Variants in XPR1 observed in about 807,000 individuals in gnomAD.
The protein encoded by XPR1 is solute carrier family 53 member 1.
XPR1 carries 28 observed loss-of-function variants against 87.5 expected under a neutral mutation model. The observed-to-expected ratio is 0.32, with a 90% CI of 0.24 to 0.44. The LOEUF (loss-of-function observed/expected upper bound fraction) is 0.44, where lower values mean the gene tolerates loss of function less well. Ranked by LOEUF, XPR1 falls within the 20% of genes least tolerant of loss-of-function variation. The pLI, the probability that XPR1 is intolerant of heterozygous loss-of-function variation, is 1.00. For missense variants in XPR1, 559 were observed against 862.3 expected, an observed-to-expected ratio of 0.65 and a Z score of 4.41; for synonymous variants, 300 against 306.1, an observed-to-expected ratio of 0.98 and a Z score of 0.21.
At chr1:180,818,417 A>AG (rs1276498671) in intron 7 of XPR1, among the ~76,000 whole-genome samples, 1 of 151,708 alleles carries the variant, frequency 6.6e-6, no homozygotes, top group Non-Finnish European at 1.5e-5. Context: ...GCCAGATTGT[A>AG]GGGTTATTAC....
intron 2 of XPR1, among the ~76,000 whole-genome samples, chr1:180,710,883 C>T (rs1397563333): frequency 6.6e-6 from 1 of 152,004 alleles, no homozygotes; most frequent in African/African-American, 2.4e-5. Flanking sequence ...GGCTGCCCCC[C>T]ACCTCCCAGA....
At chr1:180,753,381 G>A (rs1277402720) in intron 2 of XPR1, among the ~76,000 whole-genome samples, 2 of 152,012 alleles carry the variant, frequency 1.3e-5, no homozygotes, top group Non-Finnish European at 2.9e-5. Context: ...CCTGCGCAAC[G>A]TGGTAAAACC....
chr1:180,798,168 ATATC>A (rs1558013084), intron 3 of XPR1, among the ~76,000 whole-genome samples: 1 of 152,098 alleles, frequency 6.6e-6, no homozygotes. Context: ...ATAAAAATAT[ATATC>A]TAATATGATT....
chr1:180,874,690 C>CA lies in XPR1; in HGVS notation c.1808+758dup, dbSNP rs1336021704. On this transcript the variant is annotated intron_variant, in intron 13 of 14. Coordinates refer to ENST00000367590, the MANE Select transcript of XPR1 (RefSeq NM_004736.4). ...GGGCAACAAGAGCAAAACTCCGTCT[C>CA]AAAAAAAAAAGTGTTTAAATATTCT... Among the ~76,000 whole-genome samples the CA allele has an allele frequency of 3.2e-3, 453 of 143,606 alleles. 3 individuals carry two copies. Among genetic ancestry groups the CA allele is most frequent in the African/African-American group, 0.01 (396 of 39,060 alleles). 94.2% of individuals were successfully genotyped at this position (143,606 alleles called of 152,430 possible). A position where few individuals can be genotyped will look rare whatever the true frequency, so the allele number is the denominator to read the frequency against.
chr1:180,714,954 C>T (rs1320843655), intron 2 of XPR1, among the ~76,000 whole-genome samples: 1 of 151,978 alleles, frequency 6.6e-6, no homozygotes, highest in Non-Finnish European at 1.5e-5. Context: ...TGTTAGAATC[C>T]AAGAAGCTAA....
chr1:180,822,765 C>T (rs1650684654), intron 7 of XPR1, among the ~76,000 whole-genome samples: 1 of 151,926 alleles, frequency 6.6e-6, no homozygotes, highest in Non-Finnish European at 1.5e-5. Flanking sequence ...CATTGATCAA[C>T]AAAGAAACAG....
chr1:180,752,145 C>T (rs1557989596), intron 2 of XPR1, among the ~76,000 whole-genome samples: 1 of 152,082 alleles, frequency 6.6e-6, no homozygotes, highest in East Asian at 1.9e-4. Flanking sequence ...CATGAATTGA[C>T]ACTCACTCAC....
chr1:180,726,560 C>G (rs921660904), intron 2 of XPR1, among the ~76,000 whole-genome samples: 1 of 152,218 alleles, frequency 6.6e-6, no homozygotes, highest in Non-Finnish European at 1.5e-5. Flanking sequence ...CCATTCACCC[C>G]TCTTGGGGTC....
intron 2 of XPR1, among the ~76,000 whole-genome samples, chr1:180,767,410 A>G (rs1049016463): frequency 6.6e-6 from 1 of 152,192 alleles, no homozygotes; most frequent in Non-Finnish European, 1.5e-5. Context: ...CTGTTGAAGG[A>G]TGGATCTGTT....
At position 180,656,355 on chromosome 1, in the gene XPR1, T is replaced by TTA. The variant is rs557305445; in HGVS notation, c.69+24094_69+24095dup. ...TATATAATATTTATATATTTAATAT[T>TTA]TATATATATAATATTTATATATAAT... On this transcript the variant is annotated intron_variant, in intron 1 of 14. Coordinates refer to ENST00000367590, the MANE Select transcript of XPR1 (RefSeq NM_004736.4). Among the ~76,000 whole-genome samples, 152 of 111,302 alleles carry TTA rather than the reference T, an allele frequency of 1.4e-3. 1 individual carries two copies. The highest frequency in any genetic ancestry group is 1.6e-3 in the Non-Finnish European group (95 of 58,222). The allele number at this position is 111,302 out of a possible 152,430, so 73.0% of individuals were successfully genotyped here. A position where few individuals can be genotyped will look rare whatever the true frequency, so the allele number is the denominator to read the frequency against.
At chr1:180,753,074 A>T (rs1647592932) in intron 2 of XPR1, among the ~76,000 whole-genome samples, 1 of 152,182 alleles carries the variant, frequency 6.6e-6, no homozygotes, top group African/African-American at 2.4e-5. Flanking sequence ...CTGAATTTGA[A>T]TCCATATTCT....
chr1:180,685,493 G>A (rs1192204274), intron 2 of XPR1, among the ~76,000 whole-genome samples: 2 of 152,088 alleles, frequency 1.3e-5, no homozygotes, highest in Non-Finnish European at 2.9e-5. Context: ...GGATGATGCT[G>A]GCCTCATAAA....
chr1:180,736,594 A>G (rs1187395690), intron 2 of XPR1, among the ~76,000 whole-genome samples: 1 of 152,252 alleles, frequency 6.6e-6, no homozygotes, highest in Non-Finnish European at 1.5e-5. Context: ...TAGAATGCCA[A>G]AATTCTGTTT....
rs1384219855 is a variant in XPR1, at chr1:180,884,328, CAT to C, written c.*264_*265del. ...TCAGAGGATGTTTTAAGAAACAAAA[CAT>C]AGTATCTTATGGATTGTTTACAATC... On this transcript the variant is annotated 3_prime_UTR_variant, in exon 15 of 15. Coordinates refer to ENST00000367590, the MANE Select transcript of XPR1 (RefSeq NM_004736.4). 7.8e-6 allele frequency: 3 copies of C among 383,710 alleles called. No homozygotes were observed. Among genetic ancestry groups the C allele is most frequent in the Admixed American group, 8.6e-5 (2 of 23,362 alleles). The allele number at this position is 383,710 out of a possible 1,614,324, so 23.8% of individuals were successfully genotyped here. A position where few individuals can be genotyped will look rare whatever the true frequency, so the allele number is the denominator to read the frequency against.
At chr1:180,695,307 A>C (rs149441825) in intron 2 of XPR1, among the ~76,000 whole-genome samples, 105 of 151,952 alleles carry the variant, frequency 6.9e-4, no homozygotes, top group Middle Eastern at 3.4e-3. Flanking sequence ...TTTTCAGATG[A>C]ATAGTTTGCA....
chr1:180,829,195 C>G (rs1020078669), intron 9 of XPR1, among the ~76,000 whole-genome samples: 1 of 152,134 alleles, frequency 6.6e-6, no homozygotes, highest in Admixed American at 6.5e-5. Flanking sequence ...ACTTCATCTT[C>G]TTAGCTATTT....
At chr1:180,707,205 T>TAAAA (rs1300250096) in intron 2 of XPR1, among the ~76,000 whole-genome samples, 2 of 152,236 alleles carry the variant, frequency 1.3e-5, no homozygotes, top group African/African-American at 4.8e-5. Context: ...AAAAAACTTT[T>TAAAA]AAGTTCAGAC....
At chr1:180,789,762 CCT>C (rs1011438503) in intron 3 of XPR1, among the ~76,000 whole-genome samples, 5 of 151,990 alleles carry the variant, frequency 3.3e-5, no homozygotes, top group South Asian at 2.1e-4. Flanking sequence ...CATTTTGACC[CCT>C]GTGTTTTTAA....
chr1:180,821,696 C>CT (rs1365703891), intron 7 of XPR1, among the ~76,000 whole-genome samples: 2 of 152,154 alleles, frequency 1.3e-5, no homozygotes, highest in African/African-American at 4.8e-5. Flanking sequence ...TTCTTTTCTA[C>CT]TTTAATTTCT....
Sources: gnomAD v4.1 joint callset for allele counts (sites outside exome capture counted in the v4.1 genomes callset) on GRCh38, gnomAD v4.1.1 for gene constraint, MANE v1.5 for transcripts, NCBI Gene and HGNC (gene_info 2026-07-23, HGNC 2026-07-21) for gene names.